The following NCOR2 variants were observed in gnomAD, a reference collection of about 807,000 sequenced individuals.
The protein encoded by NCOR2 is CTG repeat protein 26.
A neutral mutation model predicts 262.9 loss-of-function variants in NCOR2; 81 were observed. The ratio of observed to expected loss-of-function variants is 0.31; its 90% confidence interval spans 0.26 to 0.37. NCOR2 has a LOEUF of 0.37. Ranked by LOEUF, NCOR2 falls within the 10% of genes least tolerant of loss-of-function variation. The probability of loss-of-function intolerance (pLI) is 1.00; values close to 1 mark genes in which losing one functional copy is unlikely to be tolerated. For missense variants in NCOR2, 3,385 were observed against 3,621.4 expected (o/e 0.93, Z 1.68); for synonymous variants, 1,659 against 1,559.3 (o/e 1.06, Z -1.51).
intron 13 of NCOR2, among the ~76,000 whole-genome samples, chr12:124,416,622 GT>G (rs2042877461): frequency 6.9e-6 from 1 of 144,368 alleles, no homozygotes; most frequent in African/African-American, 2.6e-5. Flanking sequence ...GGCACAGGGA[GT>G]CCCCGCGGCA....
At chr12:124,490,984 G>A (rs897602610) in intron 1 of NCOR2, among the ~76,000 whole-genome samples, 2 of 152,254 alleles carry the variant, frequency 1.3e-5, no homozygotes, top group Non-Finnish European at 2.9e-5. Context: ...CCCATAGGGA[G>A]TCTGATAAGA....
intron 13 of NCOR2, among the ~76,000 whole-genome samples, chr12:124,408,893 GAGAACAGGATA>G (rs573737021): frequency 6.6e-6 from 1 of 152,338 alleles, no homozygotes; most frequent in East Asian, 1.9e-4. Context: ...TGCACAGGGT[GAGAACAGGATA>G]AGACAGCCTG....
At chr12:124,429,845 A>G (rs2043816250) in intron 9 of NCOR2, 139 bp from the exon 12 acceptor site, 1 of 793,408 alleles carries the variant, frequency 1.3e-6, no homozygotes, top group Non-Finnish European at 2.0e-6. Flanking sequence ...CCGGCCCCAC[A>G]CCCGGGGTCC....
rs1002373541 is a variant in NCOR2 at position 124,548,673 on chromosome 12, G to A, written c.-164-13062C>T. Among the ~76,000 whole-genome samples, 2 of 151,956 alleles carry A rather than the reference G, an allele frequency of 1.3e-5. No homozygotes were observed. Among genetic ancestry groups the A allele is most frequent in the Non-Finnish European group, 2.9e-5 (2 of 67,998 alleles). On this transcript the variant is annotated intron_variant, in intron 1 of 32. Transcript: ENST00000458234. The surrounding 1 kb of genome is among the most constrained non-coding windows in gnomAD (Gnocchi z 5.1). The stretch of plus-strand genomic sequence containing the variant: ...TTTTTCTGTGCTGTTAGGGCGGGGC[G>A]GGGGATCTCCATGGCAGGGTCCCCA...
intron 26 of NCOR2, 28 bp from the exon 29 acceptor site, chr12:124,354,224 G>T (rs751558933): frequency 5.1e-6 from 8 of 1,561,616 alleles, no homozygotes; most frequent in Admixed American, 3.7e-5. Context: ...TGGGGCTGAG[G>T]GCGTGTCTGT....
At chr12:124,361,999 T>C (rs2038626968) in intron 22 of NCOR2, 127 bp downstream of exon 24, 2 of 859,424 alleles carry the variant, frequency 2.3e-6, no homozygotes, top group Non-Finnish European at 3.1e-6. Context: ...ACTGTTCCAT[T>C]CGTTTACTTT....
chr12:124,372,889 G>C (rs1003560192), intron 19 of NCOR2, among the ~76,000 whole-genome samples: 2 of 152,136 alleles, frequency 1.3e-5, no homozygotes, highest in Non-Finnish European at 2.9e-5. Context: ...ACCTCCTGGT[G>C]GTCAGCACCC....
chr12:124,506,862 C>G (rs142920716), intron 1 of NCOR2, among the ~76,000 whole-genome samples: 1 of 152,278 alleles, frequency 6.6e-6, no homozygotes, highest in East Asian at 1.9e-4. Context: ...GCTGTGACGG[C>G]AGGAGAGAGG....
intron 13 of NCOR2, among the ~76,000 whole-genome samples, chr12:124,413,244 C>T (rs1044241253): frequency 2.0e-5 from 3 of 152,204 alleles, no homozygotes; most frequent in Admixed American, 2.0e-4. Flanking sequence ...GCCCACTCCC[C>T]GACACCTCGG....
At chr12:124,500,370 C>G (rs796364180) in intron 1 of NCOR2, among the ~76,000 whole-genome samples, 2 of 152,310 alleles carry the variant, frequency 1.3e-5, no homozygotes, top group African/African-American at 4.8e-5. Flanking sequence ...CACAAGTGCC[C>G]CCCGCCCCCA....
chr12:124,557,004 G>A (rs1311333454), intron 1 of NCOR2, among the ~76,000 whole-genome samples: 1 of 152,282 alleles, frequency 6.6e-6, no homozygotes, highest in Non-Finnish European at 1.5e-5. Context: ...GTGTGGCTGA[G>A]ACAGAGCGGG....
rs371445999 is a variant in NCOR2, at chr12:124,441,555, A to T, written c.816-3559T>A. 4.6e-5 allele frequency among the ~76,000 whole-genome samples: 7 copies of T among 152,366 alleles called. No individual in the cohort carries two copies. The South Asian group carries it at 1.0e-3, about 23-fold the overall frequency. On this transcript the variant is annotated intron_variant, in intron 7 of 46. Coordinates refer to ENST00000405201, the Ensembl canonical transcript of NCOR2. ...AGTAATAACCCAACCACCGCTGGCA[A>T]GATCCGGGGATGAATGCTAAATTGG...
intron 28 of NCOR2, 152 bp downstream of exon 30, chr12:124,350,435 G>T: frequency 1.0e-6 from 1 of 994,058 alleles, no homozygotes; most frequent in Non-Finnish European, 1.5e-6. Context: ...CTTCCCTGCT[G>T]CTGGCTTGCA....
chr12:124,392,681 AC>A (rs992110433), intron 16 of NCOR2, among the ~76,000 whole-genome samples: 2 of 152,250 alleles, frequency 1.3e-5, no homozygotes, highest in African/African-American at 4.8e-5. Flanking sequence ...CATGGTGGGC[AC>A]AGCCCAAGGC....
Position 124,501,883 on chromosome 12 carries a change from T to C in NCOR2, c.-117-6515A>G, listed in dbSNP as rs76887066. On this transcript the variant is annotated intron_variant, in intron 1 of 46. Transcript: ENST00000404621. ...CAGTAGGCATCTAATAAATATTTACTAAACAAAACCACTGCAGCCAGTCTG... is the reference window on the plus strand; with the variant it reads ...CAGTAGGCATCTAATAAATATTTACCAAACAAAACCACTGCAGCCAGTCTG... Among the ~76,000 whole-genome samples, 806 of 152,302 alleles carry C rather than the reference T, an allele frequency of 5.3e-3. 31 individuals are homozygous for C. The East Asian group carries it at 0.097, about 18-fold the overall frequency.
At position 124,437,360 on chromosome 12, in the gene NCOR2, C is replaced by T. The variant is rs988050523; in HGVS notation, c.882+570G>A. The stretch of plus-strand genomic sequence containing the variant: ...ATGCCTCTGGCAGACCCAGCCTCCC[C>T]GCCGTGGGCTGAGATCCACAGCCTA... On this transcript the variant is annotated intron_variant, in intron 8 of 46. Coordinates refer to ENST00000405201, the Ensembl canonical transcript of NCOR2. Among the ~76,000 whole-genome samples, 9 of 152,328 alleles carry T rather than the reference C, an allele frequency of 5.9e-5. No individual in the cohort carries two copies. The South Asian group carries it at 1.4e-3, about 25-fold the overall frequency.
chr12:124,476,900 A>G (rs1167121272), intron 3 of NCOR2, among the ~76,000 whole-genome samples: 1 of 80,352 alleles, frequency 1.2e-5, no homozygotes, highest in African/African-American at 3.4e-5. Context: ...CCCCATCTTT[A>G]TTAAAAAAAA....
chr12:124,525,703 G>A (rs747706459), intron 1 of NCOR2, among the ~76,000 whole-genome samples: 2 of 152,198 alleles, frequency 1.3e-5, no homozygotes, highest in South Asian at 2.1e-4. Flanking sequence ...GGCAGTGATC[G>A]GCGTACCCAC....
intron 1 of NCOR2, among the ~76,000 whole-genome samples, chr12:124,519,816 G>A (rs701039): frequency 0.78 from 118,565 of 152,142 alleles, 46,341 homozygotes; most frequent in Admixed American, 0.81. Flanking sequence ...ACACCACCGC[G>A]GCATAGGCAG....
Sources: allele counts gnomAD v4.1 joint callset (sites outside exome capture counted in the v4.1 genomes callset), GRCh38; gene constraint gnomAD v4.1.1; non-coding constraint Gnocchi (gnomAD v3.1); transcripts MANE v1.5; gene names NCBI Gene and HGNC (gene_info 2026-07-23, HGNC 2026-07-21).